Variants in MAPK12 observed in about 807,000 individuals in gnomAD.
MAPK12 encodes mitogen-activated protein kinase 12, also known as MAP kinase 12.
A neutral mutation model predicts 49.1 loss-of-function variants in MAPK12; 49 were observed. That is an observed-to-expected ratio of 1.00 (90% confidence interval 0.79 to 1.27). The LOEUF (loss-of-function observed/expected upper bound fraction) is 1.27. MAPK12 is among the 50% of genes most tolerant of loss of function. The probability of loss-of-function intolerance (pLI) is 0.00; values close to 1 mark genes in which losing one functional copy is unlikely to be tolerated. For synonymous variants in MAPK12, 251 were observed against 209.7 expected (o/e 1.20, Z -1.70); for missense variants, 554 against 502.4 (o/e 1.10, Z -0.98).
intron 5 of MAPK12, 97 bp from the exon 6 acceptor site, chr22:50,256,743 T>C: frequency 2.0e-6 from 3 of 1,529,836 alleles, no homozygotes; most frequent in Non-Finnish European, 2.6e-6. Context: ...CCACCGGACC[T>C]GGCCCCCTTG....
chr22:50,257,550 A>G lies in MAPK12; in HGVS notation c.315-357T>C. ...GAGGCAGCAGGACTCGAGTCTTCAC[A>G]GGCAGGGGAGGGAGGCAGTCAGGTT... On this transcript the variant is annotated intron_variant, in intron 3 of 11. Coordinates refer to ENST00000215659, the MANE Select transcript of MAPK12 (RefSeq NM_002969.6). 3 of 524,684 alleles carry G rather than the reference A, an allele frequency of 5.7e-6. No individual in the cohort carries two copies. In the South Asian group the frequency reaches 6.4e-5, roughly 11 times the overall value. The allele number at this position is 524,684 out of a possible 1,614,324, so 32.5% of individuals were successfully genotyped here.
Position 50,261,229 on chromosome 22 carries a change from C to A in MAPK12, c.193G>T (p.Glu65Ter). ...IKKLYRPFQS[E>*]LFAKRAYREL... is the part of the protein sequence containing the mutation. Reference sequence around the variant, plus strand: ...CGGTAGGCGCGCTTGGCGAACAGCTCGGACTGGAAAGGCCGATACAGCTTC... The same window carrying A: ...CGGTAGGCGCGCTTGGCGAACAGCTAGGACTGGAAAGGCCGATACAGCTTC... Residue 65 changes from glutamate (E) to a stop codon, truncating the protein, a stop_gained, in exon 2 of 12, where the codon GAG becomes TAG. Transcript: ENST00000215659. LOFTEE classifies it high-confidence loss of function. 1.3e-6 allele frequency: 2 copies of A among 1,586,062 alleles called. No individual in the cohort carries two copies. The highest frequency in any genetic ancestry group is 1.1e-5 in the South Asian group (1 of 87,308).
intron 7 of MAPK12, 100 bp from the exon 8 acceptor site, chr22:50,255,981 G>T: frequency 6.7e-7 from 1 of 1,497,264 alleles, no homozygotes; most frequent in Non-Finnish European, 9.2e-7. Flanking sequence ...TCCCACCCCA[G>T]CTCAACAGCC....
chr22:50,259,983 G>A (rs987913670), intron 2 of MAPK12, among the ~76,000 whole-genome samples: 10 of 144,634 alleles, frequency 6.9e-5, no homozygotes, highest in Non-Finnish European at 1.4e-4. Context: ...CCGTGGGGAA[G>A]GCTGCAGTCC....
Position 50,256,089 on chromosome 22 carries a change from CT to C in MAPK12, c.614del (p.Gln205ArgfsTer15). 6.2e-7 allele frequency: 1 copy of C among 1,611,618 alleles called. No individual in the cohort carries two copies. Among genetic ancestry groups the C allele is most frequent in the Non-Finnish European group, 8.5e-7 (1 of 1,179,272 alleles). ...EVILNWMRYT[Q>X]TVDIWSVGCI... ...GATCTCTGGGCAGCTTCTCACCCGTCTGCGTGTAGCGCATCCAATTCAAGAT... is the reference window on the plus strand; with the variant it reads ...GATCTCTGGGCAGCTTCTCACCCGTCGCGTGTAGCGCATCCAATTCAAGAT... On this transcript the variant is annotated frameshift_variant, in exon 7 of 12. Coordinates refer to ENST00000215659, the MANE Select transcript of MAPK12 (RefSeq NM_002969.6). LOFTEE classifies it high-confidence loss of function.
Position 50,256,974 on chromosome 22 carries a change from G to T in MAPK12, c.427-10C>A. 3 of 1,606,470 alleles carry T rather than the reference G, an allele frequency of 1.9e-6. No individual in the cohort carries two copies. Among genetic ancestry groups the T allele is most frequent in the Non-Finnish European group, 2.5e-6 (3 of 1,177,888 alleles). ...CGGCAGCGTGGATATACTGCGGGGGGCAGAGGATTTGGCAGGCTTCAGCGC... is the reference window on the plus strand; with the variant it reads ...CGGCAGCGTGGATATACTGCGGGGGTCAGAGGATTTGGCAGGCTTCAGCGC... On this transcript the variant is annotated splice_polypyrimidine_tract_variant and intron_variant, in intron 4 of 11. Coordinates refer to ENST00000215659, the MANE Select transcript of MAPK12 (RefSeq NM_002969.6).
At position 50,259,532 on chromosome 22, in the gene MAPK12, G is replaced by T. The variant is rs934703039; in HGVS notation, c.256-1231C>A. 2.7e-4 allele frequency among the ~76,000 whole-genome samples: 41 copies of T among 152,174 alleles called. 1 individual carries two copies. Among genetic ancestry groups the T allele is most frequent in the Non-Finnish European group, 5.4e-4 (37 of 68,026 alleles). On this transcript the variant is annotated intron_variant, in intron 2 of 11. Coordinates refer to ENST00000215659, the MANE Select transcript of MAPK12 (RefSeq NM_002969.6). ...CCTCAGCTGCAGGCCAGGAGCCCAG[G>T]GGGTGGGCCCACAGGCACAGCGGAG...
intron 6 of MAPK12, 32 bp downstream of exon 6, chr22:50,256,567 C>T (rs779874453): frequency 3.1e-6 from 5 of 1,602,000 alleles, no homozygotes; most frequent in African/African-American, 1.3e-5. Flanking sequence ...GCCCCTGCCC[C>T]ACCTCAGGGC....
intron 6 of MAPK12, 138 bp downstream of exon 6, chr22:50,256,461 C>A (rs2065151336): frequency 1.8e-5 from 21 of 1,162,744 alleles, no homozygotes; most frequent in Non-Finnish European, 2.5e-5. Context: ...CTCTTGGGCT[C>A]ACCCACCCAC....
At position 50,257,220 on chromosome 22, in the gene MAPK12, G is replaced by T. The variant is rs563427916; in HGVS notation, c.315-27C>A. 20 of 1,578,212 alleles carry T rather than the reference G, an allele frequency of 1.3e-5. No individual in the cohort carries two copies. The East Asian group carries it at 4.0e-4, about 32-fold the overall frequency. On this transcript the variant is annotated intron_variant, in intron 3 of 11. Coordinates refer to ENST00000215659, the MANE Select transcript of MAPK12 (RefSeq NM_002969.6). ...TGTGGGAGGGGCCGGAGCGCTGTCA[G>T]CGGACAGAGCCAGCCTCTGCATCCC...
In MAPK12 at chr22:50,261,668, C is replaced by T; in HGVS notation, c.-159G>A. ...TGGGGCGCTCCCGCTCCCGGCCCTTCCCTCAGGGATGTCCCAGGTGCCGAC... is the reference window on the plus strand; with the variant it reads ...TGGGGCGCTCCCGCTCCCGGCCCTTTCCTCAGGGATGTCCCAGGTGCCGAC... On this transcript the variant is annotated 5_prime_UTR_variant, in exon 1 of 12. Transcript: ENST00000215659. 1.2e-6 allele frequency: 1 copy of T among 821,680 alleles called. No homozygotes were observed. The highest frequency in any genetic ancestry group is 1.5e-6 in the Non-Finnish European group (1 of 679,302). 50.9% of individuals were successfully genotyped at this position (821,680 alleles called of 1,614,324 possible).
chr22:50,261,129 G>A (rs1473804083), intron 2 of MAPK12, 38 bp downstream of exon 2: 12 of 1,540,150 alleles, frequency 7.8e-6, no homozygotes, highest in Admixed American at 1.8e-5. Flanking sequence ...CCAAGCCGAG[G>A]CCGCGGCGCC....
rs2147252710 is a variant in MAPK12, at chr22:50,253,351, A to G, written c.*50T>C. 4 of 1,330,716 alleles carry G rather than the reference A, an allele frequency of 3.0e-6. No individual in the cohort carries two copies. In the South Asian group the frequency reaches 5.0e-5, roughly 17 times the overall value. 82.4% of individuals were successfully genotyped at this position (1,330,716 alleles called of 1,614,324 possible). A position where few individuals can be genotyped will look rare whatever the true frequency, so the allele number is the denominator to read the frequency against. On this transcript the variant is annotated 3_prime_UTR_variant, in exon 12 of 12. Transcript: ENST00000215659. ...AAGGTGGCAACGAGAGTCCCCTCTC[A>G]GGTGGAAGGTGAAGGTGGTCCTCAC... is the stretch of plus-strand genomic sequence containing the variant.
intron 3 of MAPK12, chr22:50,257,555 G>A: frequency 3.7e-6 from 2 of 533,436 alleles, no homozygotes; most frequent in Non-Finnish European, 6.8e-6. Flanking sequence ...TTCACAGGCA[G>A]GGGAGGGAGG....
chr22:50,259,911 C>T (rs1185096474), intron 2 of MAPK12, among the ~76,000 whole-genome samples: 1 of 145,234 alleles, frequency 6.9e-6, no homozygotes. Flanking sequence ...AAAAAAGCCC[C>T]AGAGCGCTTG....
Position 50,256,155 on chromosome 22 carries a change from A to T in MAPK12, c.549T>A (p.Thr183=). The change falls in exon 7 of 12, where the codon ACT becomes ACA. Residue 183 remains threonine (T), a synonymous_variant. Transcript: ENST00000215659. ...GLARQADSEM[T]GYVVTRWYRA... is the part of the protein sequence containing the mutation. ...GGTACCACCGGGTCACCACGTACCC[A>T]GTCATCTCACTGTCTGCCTGCCTGG... 6.2e-7 allele frequency: 1 copy of T among 1,612,798 alleles called. No homozygotes were observed. The highest frequency in any genetic ancestry group is 8.5e-7 in the Non-Finnish European group (1 of 1,179,918).
At chr22:50,256,543 C>T in intron 6 of MAPK12, 56 bp downstream of exon 6, 1 of 1,577,954 alleles carries the variant, frequency 6.3e-7, no homozygotes, top group Non-Finnish European at 8.6e-7. Context: ...GATAGATGGG[C>T]AGATCCAGAG....
chr22:50,257,667 C>G lies in MAPK12; in HGVS notation c.315-474G>C. On this transcript the variant is annotated intron_variant, in intron 3 of 11. Transcript: ENST00000215659. ...TCTGGGTCAGAGGGGTCGGCTGGGC[C>G]GGTGGAGACAGACACAGGAGAATGG... The G allele has an allele frequency of 1.7e-5, 10 of 590,512 alleles. 1 individual carries two copies. In the South Asian group the frequency reaches 2.0e-4, roughly 12 times the overall value. The allele number at this position is 590,512 out of a possible 1,614,324, so 36.6% of individuals were successfully genotyped here.
chr22:50,258,840 G>C (rs888842348), intron 2 of MAPK12, among the ~76,000 whole-genome samples: 1 of 152,244 alleles, frequency 6.6e-6, no homozygotes, highest in Non-Finnish European at 1.5e-5. Flanking sequence ...GGGAGGCCTG[G>C]AGTTTTGCAC....
Sources: allele counts gnomAD v4.1 joint callset (sites outside exome capture counted in the v4.1 genomes callset), GRCh38; gene constraint gnomAD v4.1.1; transcripts MANE v1.5; gene names NCBI Gene and HGNC (gene_info 2026-07-23, HGNC 2026-07-21).